The following ASXL2 variants were observed in gnomAD, a reference collection of about 807,000 sequenced individuals.
ASXL2 encodes the protein ASXL transcriptional regulator 2.
In ASXL2, 23 loss-of-function variants were observed where a neutral mutation model predicts 122.0. The ratio of observed to expected loss-of-function variants is 0.19; its 90% CI spans 0.14 to 0.27. The LOEUF is 0.27. Among genes scored for constraint, ASXL2 ranks in the 10% least tolerant of loss-of-function variants. The pLI is 1.00. For missense variants in ASXL2, 1,518 were observed against 1,713.8 expected (o/e 0.89, Z 2.02); for synonymous variants, 650 against 637.0 (o/e 1.02, Z -0.31).
intron 3 of ASXL2, chr2:25,822,947 G>A (rs756590284): frequency 9.5e-6 from 5 of 526,344 alleles, no homozygotes; most frequent in Non-Finnish European, 1.5e-5. Flanking sequence ...CAGATCGGGA[G>A]TAAGGAATAC....
At position 25,750,283 on chromosome 2, in the gene ASXL2, C is replaced by T. The variant is rs1425209280; in HGVS notation, c.1273G>A (p.Val425Ile). 2 of 1,613,870 alleles carry T rather than the reference C, an allele frequency of 1.2e-6. No individual in the cohort carries two copies. Among genetic ancestry groups the T allele is most frequent in the African/African-American group, 2.7e-5 (2 of 74,910 alleles). ...SEASLIRIVP[V>I]VSQSECKEEA... is the part of the protein sequence containing the mutation. ...TCTTTACACTCTGACTGGGAGACTA[C>T]TGGAACTATTCTGATAAGAGAGGCC... The change falls in exon 12 of 13, where the codon GTA becomes ATA. Residue 425 changes from valine to isoleucine, a missense_variant. By Grantham distance (29) the Val-to-Ile change is conservative. Transcript: ENST00000435504.
At chr2:25,785,229 GT>G (rs1269042613) in intron 5 of ASXL2, among the ~76,000 whole-genome samples, 18 of 152,042 alleles carry the variant, frequency 1.2e-4, no homozygotes, top group African/African-American at 4.1e-4. Flanking sequence ...TTATTTGTTT[GT>G]TTGTTTATTT....
chr2:25,869,883 T>C (rs1303869700), intron 1 of ASXL2, among the ~76,000 whole-genome samples: 1 of 147,172 alleles, frequency 6.8e-6, no homozygotes, highest in Non-Finnish European at 1.5e-5. Context: ...TTTTTTTTAA[T>C]GATGGTATAT....
chr2:25,744,810 A>T lies in ASXL2; in HGVS notation c.1861-334T>A, dbSNP rs1353967945. On this transcript the variant is annotated intron_variant, in intron 12 of 12. Transcript: ENST00000435504. This position sits in a 1 kb window ranked among gnomAD's most constrained non-coding sequence, Gnocchi z 4.7. ...AGTTTTCTATGGTATTTGCATTTTT[A>T]AAAAGTGTATTTATGTTTGAGAAAG... is the stretch of plus-strand genomic sequence containing the variant. Among the ~76,000 whole-genome samples, 1 of 152,182 alleles carries T rather than the reference A, an allele frequency of 6.6e-6. No homozygotes were observed. The highest frequency in any genetic ancestry group is 1.5e-5 in the Non-Finnish European group (1 of 68,030).
At chr2:25,853,984 G>GT (rs1484969627) in intron 1 of ASXL2, among the ~76,000 whole-genome samples, 7 of 152,126 alleles carry the variant, frequency 4.6e-5, no homozygotes, top group African/African-American at 1.7e-4. Flanking sequence ...AGATTTGGGC[G>GT]CAGAAACTTG....
chr2:25,791,025 G>A (rs1212050176), intron 5 of ASXL2, among the ~76,000 whole-genome samples: 1 of 151,416 alleles, frequency 6.6e-6, no homozygotes, highest in East Asian at 1.9e-4. Context: ...TTGAACTACG[G>A]GGCTCAAGTC....
rs557363380 is a variant in ASXL2, at chr2:25,736,571, C to T, written c.*5458G>A. ...TCTTGGAAGGCTGAATTATCTCCAACGTCTTGGGACAACCCAGATACTTGA... is the reference window on the plus strand; with the variant it reads ...TCTTGGAAGGCTGAATTATCTCCAATGTCTTGGGACAACCCAGATACTTGA... On this transcript the variant is annotated 3_prime_UTR_variant, in exon 13 of 13. Coordinates refer to ENST00000435504, the MANE Select transcript of ASXL2 (RefSeq NM_018263.6). 9.9e-5 allele frequency: 15 copies of T among 151,650 alleles called. No homozygotes were observed. The highest frequency in any genetic ancestry group is 4.6e-4 in the Admixed American group (7 of 15,228). The allele number at this position is 151,650 out of a possible 1,614,324, so 9.4% of individuals were successfully genotyped here. A position where few individuals can be genotyped will look rare whatever the true frequency, so the allele number is the denominator to read the frequency against.
At chr2:25,850,895 C>T (rs2089707940) in intron 1 of ASXL2, among the ~76,000 whole-genome samples, 1 of 151,930 alleles carries the variant, frequency 6.6e-6, no homozygotes, top group African/African-American at 2.4e-5. Context: ...GCCTGTAATC[C>T]CAGCAGGCCA....
intron 1 of ASXL2, among the ~76,000 whole-genome samples, chr2:25,876,460 G>C (rs1278142664): frequency 6.6e-6 from 1 of 152,132 alleles, no homozygotes; most frequent in Non-Finnish European, 1.5e-5. Context: ...CAGCCCAGGA[G>C]TTCAAGACTA....
At chr2:25,842,180 G>A (rs1340400022) in intron 2 of ASXL2, among the ~76,000 whole-genome samples, 1 of 151,304 alleles carries the variant, frequency 6.6e-6, no homozygotes, top group African/African-American at 2.4e-5. Flanking sequence ...AAGAAGATAT[G>A]ATCAAGACCA....
chr2:25,864,833 A>G (rs1050148354), intron 1 of ASXL2, among the ~76,000 whole-genome samples: 2 of 144,144 alleles, frequency 1.4e-5, no homozygotes, highest in Admixed American at 7.0e-5. Context: ...ACAATTTACA[A>G]TTTTTTTTTT....
intron 3 of ASXL2, among the ~76,000 whole-genome samples, chr2:25,831,049 G>A: frequency 6.6e-6 from 1 of 152,112 alleles, no homozygotes; most frequent in Admixed American, 6.5e-5. Context: ...GCCAGGCACG[G>A]TAGCTCACAT....
chr2:25,875,904 T>C (rs927147547), intron 1 of ASXL2, among the ~76,000 whole-genome samples: 3 of 152,222 alleles, frequency 2.0e-5, no homozygotes, highest in South Asian at 2.1e-4. Context: ...AATTTTCTGA[T>C]TTCATTATTC....
chr2:25,786,840 G>A (rs1310706981), intron 5 of ASXL2, among the ~76,000 whole-genome samples: 4 of 152,034 alleles, frequency 2.6e-5, no homozygotes, highest in Non-Finnish European at 4.4e-5. Flanking sequence ...AGGTGACAGA[G>A]AGAGACCCTG....
intron 4 of ASXL2, among the ~76,000 whole-genome samples, chr2:25,804,084 A>G (rs750381840): frequency 1.3e-5 from 2 of 152,192 alleles, no homozygotes; most frequent in African/African-American, 2.4e-5. Context: ...AGAAATACAG[A>G]AAGTTCCATG....
At chr2:25,765,631 GCTTT>G (rs1269428306) in intron 8 of ASXL2, among the ~76,000 whole-genome samples, 2 of 152,158 alleles carry the variant, frequency 1.3e-5, no homozygotes, top group Non-Finnish European at 2.9e-5. Context: ...CGGAAATGGT[GCTTT>G]CTTTTTTTAT....
chr2:25,813,866 C>T (rs1364243270), intron 3 of ASXL2, among the ~76,000 whole-genome samples: 3 of 152,022 alleles, frequency 2.0e-5, no homozygotes, highest in Admixed American at 6.6e-5. Flanking sequence ...CTGGCTAACA[C>T]GGTGAAACCC....
intron 2 of ASXL2, among the ~76,000 whole-genome samples, chr2:25,839,228 T>C (rs2089548701): frequency 6.6e-6 from 1 of 152,200 alleles, no homozygotes; most frequent in Non-Finnish European, 1.5e-5. Flanking sequence ...CAAACAGAAA[T>C]TAGGTTATAT....
chr2:25,806,614 T>G (rs968893518), intron 3 of ASXL2, among the ~76,000 whole-genome samples: 12 of 152,228 alleles, frequency 7.9e-5, no homozygotes, highest in Admixed American at 1.3e-4. Flanking sequence ...ACAAACATAT[T>G]TTGTAAACAT....
Sources: allele counts gnomAD v4.1 joint callset (sites outside exome capture counted in the v4.1 genomes callset), GRCh38; gene constraint gnomAD v4.1.1; non-coding constraint Gnocchi (gnomAD v3.1); transcripts MANE v1.5; gene names NCBI Gene and HGNC (gene_info 2026-07-23, HGNC 2026-07-21).